Variants in CORO2B observed in about 807,000 individuals in gnomAD.
The protein encoded by CORO2B is coronin-2B.
In CORO2B, 26 loss-of-function variants were observed where a neutral mutation model predicts 58.8. The ratio of observed to expected loss-of-function variants is 0.44; its 90% CI spans 0.32 to 0.61. The LOEUF is 0.61. Ranked by LOEUF, CORO2B falls within the 20% of genes least tolerant of loss-of-function variation. The pLI is 0.04. For missense variants in CORO2B, 460 were observed against 645.1 expected, an observed-to-expected ratio of 0.71 and a Z score of 3.11; for synonymous variants, 242 against 253.8, an observed-to-expected ratio of 0.95 and a Z score of 0.44.
chr15:68,599,650 A>G (rs1899926794), intron 1 of CORO2B, among the ~76,000 whole-genome samples: 1 of 152,142 alleles, frequency 6.6e-6, no homozygotes. Flanking sequence ...GAGGAATTCT[A>G]AAGGAGGGAA....
At chr15:68,697,849 G>A (rs2140315371) in intron 3 of CORO2B, among the ~76,000 whole-genome samples, 1 of 152,320 alleles carries the variant, frequency 6.6e-6, no homozygotes, top group Admixed American at 6.5e-5. Flanking sequence ...AGAGGCCTGG[G>A]GTCAGTGGGA....
intron 1 of CORO2B, among the ~76,000 whole-genome samples, chr15:68,613,214 GT>G (rs1376868554): frequency 3.3e-5 from 5 of 152,286 alleles, no homozygotes; most frequent in Admixed American, 6.5e-5. Context: ...GGGAAATGTA[GT>G]TTTTTTCCTG....
At chr15:68,539,148 T>C in the CORO2B span, among the ~76,000 whole-genome samples, 1 of 152,148 alleles carries the variant, frequency 6.6e-6, no homozygotes, top group African/African-American at 2.4e-5. Flanking sequence ...AGAGCTGGGC[T>C]CTAGAGAAGC....
intron 8 of CORO2B, among the ~76,000 whole-genome samples, chr15:68,717,080 G>A (rs911246761): frequency 6.6e-6 from 1 of 152,128 alleles, no homozygotes; most frequent in Non-Finnish European, 1.5e-5. Flanking sequence ...GAGGCAGGTG[G>A]ATCACCTGAG....
At chr15:68,708,357 CTTTTTTT>C (rs921103212) in intron 3 of CORO2B, among the ~76,000 whole-genome samples, 11 of 114,966 alleles carry the variant, frequency 9.6e-5, no homozygotes, top group Non-Finnish European at 1.5e-4. Flanking sequence ...TTTTTTTCTT[CTTTTTTT>C]TTTTTTTTTT....
At chr15:68,576,152 CAAAAA>C (rs3985627), upstream of CORO2B, among the ~76,000 whole-genome samples, 124 of 62,182 alleles carry the variant, frequency 2.0e-3, no homozygotes, top group East Asian at 0.011. Context: ...GACTACGTCG[CAAAAA>C]AAAAAAAAAA....
At chr15:68,610,230 A>T (rs1261640046) in intron 1 of CORO2B, among the ~76,000 whole-genome samples, 2 of 152,126 alleles carry the variant, frequency 1.3e-5, no homozygotes, top group Non-Finnish European at 2.9e-5. Context: ...TGCGCCCAGA[A>T]GAGGAGCTAG....
chr15:68,522,322 C>A, the CORO2B span, among the ~76,000 whole-genome samples: 1 of 152,172 alleles, frequency 6.6e-6, no homozygotes, highest in South Asian at 2.1e-4. Flanking sequence ...TCGTCTGAGA[C>A]TCCAATTGTG....
chr15:68,622,723 T>G (rs930839222), intron 1 of CORO2B, among the ~76,000 whole-genome samples: 1 of 152,174 alleles, frequency 6.6e-6, no homozygotes, highest in Non-Finnish European at 1.5e-5. Flanking sequence ...CAGATACTAT[T>G]CTGAATCCTG....
chr15:68,587,547 A>C (rs1466591555), intron 1 of CORO2B, among the ~76,000 whole-genome samples: 1 of 152,190 alleles, frequency 6.6e-6, no homozygotes, highest in East Asian at 1.9e-4. Flanking sequence ...TCGTTTAAGA[A>C]ATACCAATTT....
intron 3 of CORO2B, among the ~76,000 whole-genome samples, chr15:68,699,183 C>T (rs896776922): frequency 2.8e-4 from 42 of 151,958 alleles, no homozygotes; most frequent in Admixed American, 2.2e-3. Context: ...GTGAGAGGAG[C>T]GGGCAGGAAG....
At chr15:68,704,232 C>G (rs115659377) in intron 3 of CORO2B, among the ~76,000 whole-genome samples, 1 of 149,256 alleles carries the variant, frequency 6.7e-6, no homozygotes, top group Non-Finnish European at 1.5e-5. Context: ...AGAGCAAGAC[C>G]GTGTCTGAAA....
At chr15:68,650,896 C>T (rs555986147) in intron 2 of CORO2B, among the ~76,000 whole-genome samples, 1 of 152,298 alleles carries the variant, frequency 6.6e-6, no homozygotes, top group South Asian at 2.1e-4. Context: ...CGAGGGGCCC[C>T]ATCCGCTAGG....
chr15:68,722,581 G>GT (rs1181394098), intron 11 of CORO2B, among the ~76,000 whole-genome samples: 3 of 152,222 alleles, frequency 2.0e-5, no homozygotes, highest in East Asian at 3.9e-4. Context: ...CACTAAAGCG[G>GT]TTTTTTTGAC....
At chr15:68,725,343 TG>T (rs1788942995) in intron 11 of CORO2B, among the ~76,000 whole-genome samples, 1 of 152,132 alleles carries the variant, frequency 6.6e-6, no homozygotes, top group South Asian at 2.1e-4. Context: ...CACTACAGCC[TG>T]GGCGACAAAG....
At chr15:68,692,060 A>G (rs1401898844) in intron 2 of CORO2B, among the ~76,000 whole-genome samples, 1 of 152,236 alleles carries the variant, frequency 6.6e-6, no homozygotes. Flanking sequence ...TCTGAGCTGC[A>G]GGAGGGGAGC....
intron 1 of CORO2B, among the ~76,000 whole-genome samples, chr15:68,587,854 C>CA (rs1415995899): frequency 6.6e-6 from 1 of 152,192 alleles, no homozygotes; most frequent in Non-Finnish European, 1.5e-5. Context: ...GCCTGCCTCG[C>CA]AGGCCTTCTG....
At chr15:68,718,601 A>G in intron 8 of CORO2B, 97 bp from the exon 9 acceptor site, 2 of 1,080,894 alleles carry the variant, frequency 1.9e-6, no homozygotes, top group East Asian at 2.5e-5. Flanking sequence ...ACCTAAGTAC[A>G]TTCCTCAGCC....
intron 2 of CORO2B, among the ~76,000 whole-genome samples, chr15:68,691,866 A>G (rs998157423): frequency 6.6e-6 from 1 of 152,084 alleles, no homozygotes; most frequent in African/African-American, 2.4e-5. Flanking sequence ...ATGGCCACCT[A>G]TTGACTGGTT....
Sources: allele counts gnomAD v4.1 joint callset (sites outside exome capture counted in the v4.1 genomes callset), GRCh38; gene constraint gnomAD v4.1.1; transcripts MANE v1.5; gene names NCBI Gene and HGNC (gene_info 2026-07-23, HGNC 2026-07-21).